The following SKP2 variants were observed in gnomAD, a reference collection of about 807,000 sequenced individuals.
SKP2 encodes S-phase kinase-associated protein 2.
Under a neutral mutation model 51.8 loss-of-function variants are expected in SKP2, and 16 were observed. The observed-to-expected ratio is 0.31, with a 90% confidence interval of 0.21 to 0.47. The LOEUF (loss-of-function observed/expected upper bound fraction) is 0.47, where lower values mean the gene tolerates loss of function less well. Among genes scored for constraint, SKP2 ranks in the 20% least tolerant of loss-of-function variants. The probability of loss-of-function intolerance (pLI) is 1.00; values close to 1 mark genes in which losing one functional copy is unlikely to be tolerated. For synonymous variants in SKP2, 176 were observed against 198.6 expected, an observed-to-expected ratio of 0.89 and a Z score of 0.96; for missense variants, 377 against 505.3, an observed-to-expected ratio of 0.75 and a Z score of 2.43.
chr5:36,188,058 G>C (rs1745972853), downstream of SKP2, among the ~76,000 whole-genome samples: 1 of 152,134 alleles, frequency 6.6e-6, no homozygotes, highest in Non-Finnish European at 1.5e-5. Context: ...TGCAACCCCT[G>C]CCTTTTTTTG....
intron 3 of SKP2, 51 bp from the exon 4 acceptor site, chr5:36,166,468 C>T (rs753619166): frequency 1.9e-6 from 3 of 1,559,226 alleles, no homozygotes; most frequent in East Asian, 2.2e-5. Context: ...TTGAGGGCTT[C>T]CAGCATTTAG....
chr5:36,167,966 C>G (rs1745343414), intron 4 of SKP2, among the ~76,000 whole-genome samples: 1 of 151,996 alleles, frequency 6.6e-6, no homozygotes, highest in Non-Finnish European at 1.5e-5. Flanking sequence ...TGTTCTATTG[C>G]TGCTCACCCA....
chr5:36,170,242 A>G (rs1048963096), intron 5 of SKP2, 102 bp from the exon 6 acceptor site: 1 of 633,848 alleles, frequency 1.6e-6, no homozygotes, highest in Admixed American at 2.7e-5. Flanking sequence ...CACTGACTCA[A>G]AGACCTGTGA....
chr5:36,191,672 G>A (rs1235881272), intron 6 of SKP2, among the ~76,000 whole-genome samples: 1 of 152,122 alleles, frequency 6.6e-6, no homozygotes, highest in African/African-American at 2.4e-5. Context: ...AACAGCCCAG[G>A]AGAAGATGCA....
At chr5:36,165,888 C>T (rs750225206) in intron 3 of SKP2, among the ~76,000 whole-genome samples, 13 of 152,138 alleles carry the variant, frequency 8.5e-5, no homozygotes, top group Non-Finnish European at 1.8e-4. Context: ...GAAACACCAT[C>T]TATAATCCGT....
At chr5:36,161,934 T>G (rs1156392628) in intron 2 of SKP2, among the ~76,000 whole-genome samples, 1 of 152,256 alleles carries the variant, frequency 6.6e-6, no homozygotes, top group South Asian at 2.1e-4. Context: ...TCCTTCATTG[T>G]GCATTTATTT....
intron 2 of SKP2, among the ~76,000 whole-genome samples, chr5:36,157,510 A>C (rs925534373): frequency 6.6e-6 from 1 of 152,132 alleles, no homozygotes; most frequent in South Asian, 2.1e-4. Flanking sequence ...CATGGCCTCA[A>C]ATGTATTATT....
chr5:36,192,138 TA>T (rs1438290622), intron 6 of SKP2, among the ~76,000 whole-genome samples: 1 of 152,176 alleles, frequency 6.6e-6, no homozygotes, highest in South Asian at 2.1e-4. Flanking sequence ...CCGTAAGACT[TA>T]AAAACTCTTC....
intron 5 of SKP2, 142 bp downstream of exon 5, chr5:36,168,589 CTT>C: frequency 1.4e-6 from 1 of 720,350 alleles, no homozygotes; most frequent in Non-Finnish European, 2.3e-6. Flanking sequence ...TTCTGCAAAA[CTT>C]TTCAGGACTC....
chr5:36,187,661 G>A (rs891670972), downstream of SKP2, among the ~76,000 whole-genome samples: 4 of 152,172 alleles, frequency 2.6e-5, no homozygotes, highest in Admixed American at 2.6e-4. Flanking sequence ...TAACTATGTG[G>A]TCAATTTTTG....
chr5:36,178,131 A>C (rs1745692902), intron 9 of SKP2, among the ~76,000 whole-genome samples: 1 of 152,186 alleles, frequency 6.6e-6, no homozygotes, highest in Admixed American at 6.5e-5. Context: ...TGGCAAATGT[A>C]CATGTGTAGC....
At position 36,183,289 on chromosome 5, in the gene SKP2, C is replaced by G; in HGVS notation, c.*1258C>G. 1 of 641,962 alleles carries G rather than the reference C, an allele frequency of 1.6e-6. No homozygotes were observed. Among genetic ancestry groups the G allele is most frequent in the Non-Finnish European group, 1.9e-6 (1 of 530,076 alleles). The allele number at this position is 641,962 out of a possible 1,614,324, so 39.8% of individuals were successfully genotyped here. On this transcript the variant is annotated 3_prime_UTR_variant, in exon 10 of 10. Coordinates refer to ENST00000274255, the MANE Select transcript of SKP2 (RefSeq NM_005983.4). ...CTATTTTTTTTTTTTTTTTTTGAGA[C>G]GGAGTCTCGCTCTGTCACCAAGGCC... is the stretch of plus-strand genomic sequence containing the variant.
chr5:36,183,504 T>C lies in SKP2; in HGVS notation c.*1473T>C. 1.7e-6 allele frequency: 1 copy of C among 583,240 alleles called. No individual in the cohort carries two copies. The highest frequency in any genetic ancestry group is 2.2e-6 in the Non-Finnish European group (1 of 461,544). The allele number at this position is 583,240 out of a possible 1,614,324, so 36.1% of individuals were successfully genotyped here. ...GGATGGTCTCAATCTCCTGACCTCA[T>C]GATCCGCCCGTCTTGGCCTCCCAAA... On this transcript the variant is annotated 3_prime_UTR_variant, in exon 10 of 10. Coordinates refer to ENST00000274255, the MANE Select transcript of SKP2 (RefSeq NM_005983.4).
chr5:36,152,337 A>G (rs1181090113), intron 1 of SKP2, 67 bp downstream of exon 1: 2 of 1,395,698 alleles, frequency 1.4e-6, no homozygotes, highest in African/African-American at 2.8e-5. Flanking sequence ...TAGGCCGCGA[A>G]TATCGCTACT....
At chr5:36,178,273 A>G (rs1342705935) in intron 9 of SKP2, among the ~76,000 whole-genome samples, 3 of 152,154 alleles carry the variant, frequency 2.0e-5, no homozygotes, top group South Asian at 2.1e-4. Flanking sequence ...GCTCCTAGGT[A>G]GGAAGGGTGG....
rs143591522 is a variant in SKP2 at position 36,174,674 on chromosome 5, C to T, written c.902-2291C>T. ...ATGAAAGGAGGTAAAAATGCAAGGA[C>T]GAAGAGCAAAGCAGAGTAACCAGAT... On this transcript the variant is annotated intron_variant, in intron 7 of 9. Transcript: ENST00000274255. Among the ~76,000 whole-genome samples, 22 of 152,000 alleles carry T rather than the reference C, an allele frequency of 1.4e-4. 1 individual carries two copies. In the East Asian group the frequency reaches 4.3e-3, roughly 29 times the overall value.
chr5:36,176,961 CT>C lies in SKP2; in HGVS notation c.902-3del. ...TGACCATCATGTTTTTTTGCTTTTC[CT>C]AGATCTCTCTACTTTAGTTAGAAGA... is the stretch of plus-strand genomic sequence containing the variant. On this transcript the variant is annotated splice_region_variant and splice_polypyrimidine_tract_variant and intron_variant, in intron 7 of 9. Transcript: ENST00000274255. 6.3e-7 allele frequency: 1 copy of C among 1,582,044 alleles called. No homozygotes were observed. The highest frequency in any genetic ancestry group is 8.6e-7 in the Non-Finnish European group (1 of 1,158,502).
At chr5:36,164,349 CTT>C (rs1268741884) in intron 3 of SKP2, among the ~76,000 whole-genome samples, 3 of 152,068 alleles carry the variant, frequency 2.0e-5, no homozygotes. Flanking sequence ...GGGTTGTGCT[CTT>C]TTTTTGGCAA....
rs1451475583 is a variant in SKP2, at chr5:36,183,022, A to G, written c.*991A>G. ...TTTTTTTTTAAATGATCTCTCAGCAATAATTGTTTGAAACTATCCATATAT... is the reference window on the plus strand; with the variant it reads ...TTTTTTTTTAAATGATCTCTCAGCAGTAATTGTTTGAAACTATCCATATAT... On this transcript the variant is annotated 3_prime_UTR_variant, in exon 10 of 10. Transcript: ENST00000274255. The G allele has an allele frequency of 1.0e-6, 1 of 954,382 alleles. No individual in the cohort carries two copies. Among genetic ancestry groups the G allele is most frequent in the Non-Finnish European group, 1.2e-6 (1 of 802,008 alleles). The allele number at this position is 954,382 out of a possible 1,614,324, so 59.1% of individuals were successfully genotyped here.
Sources: gnomAD v4.1 joint callset for allele counts (sites outside exome capture counted in the v4.1 genomes callset) on GRCh38, gnomAD v4.1.1 for gene constraint, MANE v1.5 for transcripts, NCBI Gene and HGNC (gene_info 2026-07-23, HGNC 2026-07-21) for gene names.